Variants in RASSF8 observed in about 807,000 individuals in gnomAD.
The protein encoded by RASSF8 is ras association domain-containing protein 8.
In RASSF8, 22 loss-of-function variants were observed where a neutral mutation model predicts 48.5. The observed-to-expected ratio is 0.45, with a 90% CI of 0.32 to 0.65. The LOEUF (loss-of-function observed/expected upper bound fraction) is 0.65, where lower values mean the gene tolerates loss of function less well. Ranked by LOEUF, RASSF8 falls within the 30% of genes least tolerant of loss-of-function variation. The probability of loss-of-function intolerance (pLI) is 0.03; values close to 1 mark genes in which losing one functional copy is unlikely to be tolerated. For synonymous variants in RASSF8, 127 were observed against 171.5 expected (o/e 0.74, Z 2.03); for missense variants, 418 against 489.2 (o/e 0.85, Z 1.37).
At chr12:26,060,985 A>T (rs1162265837) in intron 3 of RASSF8, among the ~76,000 whole-genome samples, 1 of 152,178 alleles carries the variant, frequency 6.6e-6, no homozygotes, top group Non-Finnish European at 1.5e-5. Context: ...AAAATATCAA[A>T]TGTCAGTTAA....
intron 1 of RASSF8, among the ~76,000 whole-genome samples, chr12:25,982,765 A>G (rs1463916261): frequency 1.3e-5 from 2 of 152,192 alleles, no homozygotes; most frequent in Admixed American, 1.3e-4. Flanking sequence ...CCTAAAGACT[A>G]CTTTCATAGT....
At chr12:25,963,768 G>A (rs1941292726) in intron 1 of RASSF8, among the ~76,000 whole-genome samples, 1 of 152,224 alleles carries the variant, frequency 6.6e-6, no homozygotes, top group African/African-American at 2.4e-5. Context: ...GAGGATGAAA[G>A]CAGCATTTTT....
At position 26,070,411 on chromosome 12, in the gene RASSF8, A is replaced by G; in HGVS notation, c.*1593A>G. The stretch of plus-strand genomic sequence containing the variant: ...TAGAGAACTGAAAGTCATAATGCAG[A>G]GTTGCCTTTTCTAGTGCAGCTAAGT... On this transcript the variant is annotated 3_prime_UTR_variant, in exon 6 of 6. Transcript: ENST00000689635. 1.0e-6 allele frequency: 1 copy of G among 985,388 alleles called. No homozygotes were observed. The highest frequency in any genetic ancestry group is 1.2e-6 in the Non-Finnish European group (1 of 829,890). 61.0% of individuals were successfully genotyped at this position (985,388 alleles called of 1,614,324 possible).
intron 2 of RASSF8, among the ~76,000 whole-genome samples, chr12:26,002,645 C>T (rs1208474221): frequency 6.6e-6 from 1 of 152,044 alleles, no homozygotes; most frequent in African/African-American, 2.4e-5. Context: ...CGTGGTGGCG[C>T]ACACCTGTAA....
rs1454891593 is a variant in RASSF8 at position 26,071,832 on chromosome 12, T to A, written c.*3014T>A. 1.0e-6 allele frequency: 1 copy of A among 982,790 alleles called. No homozygotes were observed. Among genetic ancestry groups the A allele is most frequent in the East Asian group, 1.1e-4 (1 of 8,802 alleles). 60.9% of individuals were successfully genotyped at this position (982,790 alleles called of 1,614,324 possible). On this transcript the variant is annotated 3_prime_UTR_variant, in exon 6 of 6. Transcript: ENST00000689635. ...AATACAGTAAAAAAAAAATAGAATT[T>A]ATGGTGTGAAATATGAAGTATAGCA...
chr12:26,031,153 G>A (rs1040868296), intron 2 of RASSF8, among the ~76,000 whole-genome samples: 2 of 151,974 alleles, frequency 1.3e-5, no homozygotes, highest in Non-Finnish European at 2.9e-5. Flanking sequence ...TAGTAACTTG[G>A]TGCCAAATTT....
intron 5 of RASSF8, chr12:26,078,910 G>T (rs7133685): frequency 1 from 800,458 of 802,800 alleles, 399,098 homozygotes; most frequent in East Asian, 1. Flanking sequence ...AAAAAAAGGC[G>T]CTAACCGAAA....
At position 26,070,521 on chromosome 12, in the gene RASSF8, C is replaced by T. The variant is rs1037527663; in HGVS notation, c.*1703C>T. The T allele has an allele frequency of 1.4e-5, 14 of 983,530 alleles. No individual in the cohort carries two copies. The African/African-American group carries it at 2.4e-4, about 17-fold the overall frequency. 60.9% of individuals were successfully genotyped at this position (983,530 alleles called of 1,614,324 possible). On this transcript the variant is annotated 3_prime_UTR_variant, in exon 6 of 6. Transcript: ENST00000689635. The stretch of plus-strand genomic sequence containing the variant: ...TGCCATTATGTTACTTTGCAAATAA[C>T]TGAAGTAAATGATTCTTACCTAAAT...
chr12:25,963,952 G>C (rs1243261317), intron 1 of RASSF8, among the ~76,000 whole-genome samples: 1 of 152,188 alleles, frequency 6.6e-6, no homozygotes, highest in Non-Finnish European at 1.5e-5. Context: ...TGAGAAGAGA[G>C]AGATGCCCCT....
At chr12:26,031,292 A>C (rs1229390449) in intron 2 of RASSF8, among the ~76,000 whole-genome samples, 1 of 152,148 alleles carries the variant, frequency 6.6e-6, no homozygotes, top group Admixed American at 6.5e-5. Flanking sequence ...TAAAATTCCA[A>C]CACCCCAAGA....
chr12:26,079,159 A>G lies in RASSF8; in HGVS notation c.*86A>G. ...CCAAAACTCCTGCACAACAAAGGAAACGATCACCAAAATGAAAAGGTGGAC... is the reference window on the plus strand; with the variant it reads ...CCAAAACTCCTGCACAACAAAGGAAGCGATCACCAAAATGAAAAGGTGGAC... On this transcript the variant is annotated 3_prime_UTR_variant, in exon 6 of 6. Coordinates refer to the RASSF8 transcript ENST00000381352. 5 of 914,404 alleles carry G rather than the reference A, an allele frequency of 5.5e-6. No individual in the cohort carries two copies. In the South Asian group the frequency reaches 8.6e-5, roughly 16 times the overall value. The allele number at this position is 914,404 out of a possible 1,614,324, so 56.6% of individuals were successfully genotyped here. A position where few individuals can be genotyped will look rare whatever the true frequency, so the allele number is the denominator to read the frequency against.
At position 26,030,626 on chromosome 12, in the gene RASSF8, A is replaced by G. The variant is rs573919743; in HGVS notation, c.-108-24610A>G. ...AAATTCCCACTTAGAAATACATGTT[A>G]GTCAAGTGAATAATATTTAACTTCT... On this transcript the variant is annotated intron_variant, in intron 2 of 5. Coordinates refer to ENST00000689635, the MANE Select transcript of RASSF8 (RefSeq NM_001394098.1). 1.0e-3 allele frequency among the ~76,000 whole-genome samples: 154 copies of G among 152,272 alleles called. 2 individuals carry two copies. Among genetic ancestry groups the G allele is most frequent in the South Asian group, 1.2e-3 (6 of 4,830 alleles).
At chr12:25,990,207 A>G (rs957052101) in intron 1 of RASSF8, among the ~76,000 whole-genome samples, 2 of 152,252 alleles carry the variant, frequency 1.3e-5, no homozygotes, top group Admixed American at 6.5e-5. Flanking sequence ...TTACAGCCAT[A>G]TATAAGCATA....
intron 1 of RASSF8, among the ~76,000 whole-genome samples, chr12:25,963,986 G>A (rs1161197407): frequency 6.6e-6 from 1 of 152,322 alleles, no homozygotes; most frequent in East Asian, 1.9e-4. Context: ...TTACCCTGGT[G>A]CTTATTTAGA....
downstream of RASSF8, among the ~76,000 whole-genome samples, chr12:26,073,670 C>CG (rs1002477274): frequency 1.3e-4 from 19 of 150,876 alleles, no homozygotes; most frequent in Non-Finnish European, 2.4e-4. Context: ...ACCCGGGAGG[C>CG]GGAGGTTGGA....
intron 1 of RASSF8, among the ~76,000 whole-genome samples, chr12:25,963,321 CAAAAAAAAAAAA>C: frequency 1.0e-5 from 1 of 96,174 alleles, no homozygotes; most frequent in East Asian, 2.7e-4. Context: ...TTGTTTTAGC[CAAAAAAAAAAAA>C]AAAAAAAAAA....
downstream of RASSF8, among the ~76,000 whole-genome samples, chr12:26,073,849 C>CAT (rs756466030): frequency 0.011 from 1,561 of 144,156 alleles, 26 homozygotes; most frequent in South Asian, 0.029. Flanking sequence ...CACACACACA[C>CAT]ATATATATAT....
intron 2 of RASSF8, among the ~76,000 whole-genome samples, chr12:26,012,793 G>A (rs909209249): frequency 1.3e-5 from 2 of 150,610 alleles, no homozygotes; most frequent in Non-Finnish European, 2.9e-5. Flanking sequence ...CAGTCCTCCT[G>A]TCTCAGCCTT....
chr12:26,057,467 T>C (rs1424866607), intron 3 of RASSF8, among the ~76,000 whole-genome samples: 1 of 152,232 alleles, frequency 6.6e-6, no homozygotes, highest in African/African-American at 2.4e-5. Context: ...TCATCCTTTT[T>C]TATGGCTGCA....
Sources: allele counts gnomAD v4.1 joint callset (sites outside exome capture counted in the v4.1 genomes callset), GRCh38; gene constraint gnomAD v4.1.1; transcripts MANE v1.5; gene names NCBI Gene and HGNC (gene_info 2026-07-23, HGNC 2026-07-21).